The following GRM1 variants were observed in gnomAD, a reference collection of about 807,000 sequenced individuals.
GRM1 encodes the protein metabotropic glutamate receptor 1.
A neutral mutation model predicts 90.9 loss-of-function variants in GRM1; 33 were observed. The ratio of observed to expected loss-of-function variants is 0.36; its 90% CI spans 0.28 to 0.49. The LOEUF is 0.49. GRM1 is among the 20% of genes least tolerant of loss of function. GRM1 has a pLI of 0.99. For synonymous variants in GRM1, 700 were observed against 613.2 expected, an observed-to-expected ratio of 1.14 and a Z score of -2.09; for missense variants, 1,190 against 1,534.3, an observed-to-expected ratio of 0.78 and a Z score of 3.75.
intron 1 of GRM1, among the ~76,000 whole-genome samples, chr6:146,123,247 C>G (rs1776067679): frequency 6.6e-6 from 1 of 152,146 alleles, no homozygotes; most frequent in African/African-American, 2.4e-5. Flanking sequence ...TTTTGTATTT[C>G]TAATTGAAGG....
chr6:146,314,588 A>G (rs1783901089), intron 3 of GRM1, among the ~76,000 whole-genome samples: 1 of 152,092 alleles, frequency 6.6e-6, no homozygotes, highest in Admixed American at 6.5e-5. Flanking sequence ...AACTTCTTTT[A>G]ATTCACCTGT....
intron 5 of GRM1, among the ~76,000 whole-genome samples, chr6:146,382,674 G>C (rs1456181981): frequency 6.6e-6 from 1 of 152,106 alleles, no homozygotes; most frequent in Non-Finnish European, 1.5e-5. Flanking sequence ...ACAAAAACTA[G>C]GGGCCAAGTG....
intron 1 of GRM1, among the ~76,000 whole-genome samples, chr6:146,128,176 C>T (rs1026450967): frequency 2.0e-5 from 3 of 152,172 alleles, no homozygotes; most frequent in Admixed American, 2.0e-4. Flanking sequence ...ATCACAGTCA[C>T]AGACCCACTA....
chr6:146,159,567 G>A lies in GRM1; in HGVS notation c.920G>A (p.Gly307Asp). 6.2e-7 allele frequency: 1 copy of A among 1,613,620 alleles called. No individual in the cohort carries two copies. The highest frequency in any genetic ancestry group is 8.5e-7 in the Non-Finnish European group (1 of 1,179,992). Residue 307 changes from glycine (G) to aspartate (D), a missense_variant, in exon 2 of 8, where the codon GGC becomes GAC. Coordinates refer to ENST00000282753, the MANE Select transcript of GRM1 (RefSeq NM_001278064.2). Reference protein sequence around the residue: ...RGLLSAMRRLGVVGEFSLIGS... With the variant: ...RGLLSAMRRLDVVGEFSLIGS... ...CTCCTGAGCGCCATGCGGCGCCTTG[G>A]CGTCGTGGGCGAGTTCTCACTCATT...
At chr6:146,320,742 T>C (rs891153402) in intron 3 of GRM1, among the ~76,000 whole-genome samples, 3 of 152,220 alleles carry the variant, frequency 2.0e-5, no homozygotes, top group African/African-American at 7.2e-5. Context: ...CTAGATTTTC[T>C]AGTTTATTTG....
At chr6:146,217,854 C>T (rs1779927956) in intron 2 of GRM1, among the ~76,000 whole-genome samples, 1 of 152,068 alleles carries the variant, frequency 6.6e-6, no homozygotes, top group Non-Finnish European at 1.5e-5. Flanking sequence ...AGAGAGGTGA[C>T]TTTAGAGGCT....
chr6:146,137,446 G>A (rs1016318518), intron 1 of GRM1, among the ~76,000 whole-genome samples: 1 of 152,106 alleles, frequency 6.6e-6, no homozygotes, highest in East Asian at 1.9e-4. Flanking sequence ...TATGGTCTTG[G>A]CATCTTTGTT....
At chr6:146,404,668 T>C (rs1777274607) in intron 7 of GRM1, among the ~76,000 whole-genome samples, 1 of 152,210 alleles carries the variant, frequency 6.6e-6, no homozygotes, top group Non-Finnish European at 1.5e-5. Context: ...GATGTAGAGT[T>C]TGTTATGCAT....
intron 2 of GRM1, among the ~76,000 whole-genome samples, chr6:146,160,332 G>A (rs952067744): frequency 4.6e-5 from 7 of 152,140 alleles, no homozygotes; most frequent in Admixed American, 4.6e-4. Flanking sequence ...CAAAATTTCT[G>A]TTCTCTTTCT....
intron 1 of GRM1, among the ~76,000 whole-genome samples, chr6:146,090,374 T>G (rs1471686154): frequency 1.3e-5 from 2 of 152,138 alleles, no homozygotes; most frequent in Non-Finnish European, 2.9e-5. Flanking sequence ...ATTCGTGGTA[T>G]GAGACATACT....
chr6:146,314,326 T>G (rs560034552), intron 3 of GRM1, among the ~76,000 whole-genome samples: 1 of 151,974 alleles, frequency 6.6e-6, no homozygotes, highest in African/African-American at 2.4e-5. Context: ...TCCACCTGCC[T>G]TGGCCTCCCA....
intron 6 of GRM1, 127 bp from the exon 7 acceptor site, chr6:146,398,642 A>T (rs550851290): frequency 8.5e-5 from 66 of 780,630 alleles, no homozygotes; most frequent in South Asian, 6.9e-4. Flanking sequence ...GTGCATTTTT[A>T]AAAAAGCATT....
chr6:146,187,283 T>A (rs1000290081), intron 2 of GRM1, among the ~76,000 whole-genome samples: 5 of 152,144 alleles, frequency 3.3e-5, no homozygotes, highest in Non-Finnish European at 7.4e-5. Flanking sequence ...CCATATAATA[T>A]CTGCTAAATT....
intron 2 of GRM1, among the ~76,000 whole-genome samples, chr6:146,189,417 AAT>A (rs1361231538): frequency 1.3e-5 from 2 of 152,162 alleles, no homozygotes; most frequent in African/African-American, 2.4e-5. Flanking sequence ...TCTGATTCTA[AAT>A]ATGAGCCTAA....
intron 1 of GRM1, among the ~76,000 whole-genome samples, chr6:146,053,652 G>C (rs1267294935): frequency 6.6e-6 from 1 of 152,082 alleles, no homozygotes; most frequent in Non-Finnish European, 1.5e-5. Context: ...TCTGAACCCA[G>C]TTCTTGGTCC....
chr6:146,309,165 A>G (rs1267516177), intron 3 of GRM1, among the ~76,000 whole-genome samples: 1 of 152,020 alleles, frequency 6.6e-6, no homozygotes, highest in Non-Finnish European at 1.5e-5. Context: ...TTGGGAGGCT[A>G]AGGTGGGCAG....
At chr6:146,390,013 C>A (rs997157117) in intron 6 of GRM1, among the ~76,000 whole-genome samples, 5 of 151,950 alleles carry the variant, frequency 3.3e-5, no homozygotes, top group Admixed American at 1.3e-4. Context: ...TACTAAAAAT[C>A]AGTAGAATTA....
At chr6:146,327,070 A>G (rs1784422062) in intron 3 of GRM1, among the ~76,000 whole-genome samples, 1 of 152,184 alleles carries the variant, frequency 6.6e-6, no homozygotes, top group South Asian at 2.1e-4. Context: ...AGTATGTTAG[A>G]TTTATCACAA....
chr6:146,138,862 C>T (rs1776728288), intron 1 of GRM1, among the ~76,000 whole-genome samples: 1 of 151,524 alleles, frequency 6.6e-6, no homozygotes, highest in Non-Finnish European at 1.5e-5. Flanking sequence ...TTTTCTTCTA[C>T]TAATTTGCGG....
Sources: gnomAD v4.1 joint callset for allele counts (sites outside exome capture counted in the v4.1 genomes callset) on GRCh38, gnomAD v4.1.1 for gene constraint, MANE v1.5 for transcripts, NCBI Gene and HGNC (gene_info 2026-07-23, HGNC 2026-07-21) for gene names.